Variants in NOS1AP observed in about 807,000 individuals in gnomAD.
NOS1AP encodes the protein nitric oxide synthase 1 adaptor protein, also known as carboxyl-terminal PDZ ligand of neuronal nitric oxide synthase protein.
In NOS1AP, 21 loss-of-function variants were observed where a neutral mutation model predicts 56.2. The ratio of observed to expected loss-of-function variants is 0.37; its 90% confidence interval spans 0.26 to 0.54. The LOEUF is 0.54. NOS1AP is among the 20% of genes least tolerant of loss of function. The pLI, the probability that NOS1AP is intolerant of heterozygous loss-of-function variation, is 0.84. For synonymous variants in NOS1AP, 270 were observed against 274.6 expected (o/e 0.98, Z 0.17); for missense variants, 522 against 657.8 (o/e 0.79, Z 2.26).
At chr1:162,138,697 G>A (rs1255139940) in intron 1 of NOS1AP, among the ~76,000 whole-genome samples, 1 of 152,188 alleles carries the variant, frequency 6.6e-6, no homozygotes, top group East Asian at 1.9e-4. Context: ...ACTTCACTTA[G>A]GAGCCAAGGC....
At chr1:162,150,789 C>G (rs1932932) in intron 1 of NOS1AP, among the ~76,000 whole-genome samples, 68,187 of 152,108 alleles carry the variant, frequency 0.45, 18,814 homozygotes, top group Non-Finnish European at 0.61. Flanking sequence ...ATCTTTCACC[C>G]ATATTTAAAT....
intron 2 of NOS1AP, among the ~76,000 whole-genome samples, chr1:162,225,640 A>C (rs1297576938): frequency 6.6e-6 from 1 of 152,132 alleles, no homozygotes; most frequent in Admixed American, 6.5e-5. Context: ...CATTTCCTTA[A>C]AGTTTTTCTC....
chr1:162,154,564 G>C, intron 2 of NOS1AP, 88 bp downstream of exon 2: 1 of 1,238,072 alleles, frequency 8.1e-7, no homozygotes, highest in Non-Finnish European at 1.2e-6. Context: ...GGGCCAAAAT[G>C]GATGGCTACA....
intron 4 of NOS1AP, among the ~76,000 whole-genome samples, chr1:162,330,464 TG>T (rs1314373349): frequency 6.6e-6 from 1 of 152,206 alleles, no homozygotes; most frequent in Admixed American, 6.5e-5. Context: ...AGGGGAAGGC[TG>T]CTCTGAACCA....
At chr1:162,172,718 TTTTG>T (rs371564365) in intron 2 of NOS1AP, among the ~76,000 whole-genome samples, 226 of 152,292 alleles carry the variant, frequency 1.5e-3, no homozygotes, top group East Asian at 4.2e-3. Context: ...TGTTGTTTGT[TTTTG>T]TTTGTTTGTT....
intron 4 of NOS1AP, among the ~76,000 whole-genome samples, chr1:162,304,709 G>A (rs921983221): frequency 6.6e-5 from 10 of 150,604 alleles, no homozygotes; most frequent in Admixed American, 1.3e-4. Flanking sequence ...CTGTGTTTTC[G>A]GTGTCCTGGG....
intron 1 of NOS1AP, among the ~76,000 whole-genome samples, chr1:162,106,399 G>A (rs1490970178): frequency 6.6e-6 from 1 of 152,134 alleles, no homozygotes; most frequent in South Asian, 2.1e-4. Flanking sequence ...GAGCACCACG[G>A]ACTGGAGCTG....
intron 1 of NOS1AP, among the ~76,000 whole-genome samples, chr1:162,091,364 T>G (rs2102022871): frequency 6.6e-6 from 1 of 152,312 alleles, no homozygotes; most frequent in African/African-American, 2.4e-5. Context: ...ATTGCTTCCC[T>G]TTGATTGTTC....
At chr1:162,324,892 A>T (rs1296740941) in intron 4 of NOS1AP, among the ~76,000 whole-genome samples, 1 of 152,102 alleles carries the variant, frequency 6.6e-6, no homozygotes, top group Non-Finnish European at 1.5e-5. Flanking sequence ...TTCCTTCCAG[A>T]CTGTGCTGCG....
intron 1 of NOS1AP, among the ~76,000 whole-genome samples, chr1:162,109,895 C>T (rs908310650): frequency 1.3e-5 from 2 of 152,186 alleles, no homozygotes; most frequent in Non-Finnish European, 2.9e-5. Flanking sequence ...ACTTCTTAAT[C>T]TAGATTATGA....
At chr1:162,185,476 G>A (rs957865862) in intron 2 of NOS1AP, among the ~76,000 whole-genome samples, 3 of 152,316 alleles carry the variant, frequency 2.0e-5, no homozygotes, top group Admixed American at 6.5e-5. Flanking sequence ...ATGCCTTGAA[G>A]AACTCAAGTC....
chr1:162,344,420 C>T lies in NOS1AP; in HGVS notation c.595+444C>T, dbSNP rs80208763. On this transcript the variant is annotated intron_variant, in intron 6 of 9. Coordinates refer to ENST00000361897, the MANE Select transcript of NOS1AP (RefSeq NM_014697.3). ...ATTAAAAGTCAGGAAGGAGGCCGGG[C>T]GCAGTGTCTCAAGTCTGTTAATCCT... 4.4e-3 allele frequency among the ~76,000 whole-genome samples: 671 copies of T among 151,608 alleles called. 4 individuals carry two copies. Among genetic ancestry groups the T allele is most frequent in the African/African-American group, 0.015 (622 of 41,348 alleles).
At chr1:162,329,457 T>G (rs1035998896) in intron 4 of NOS1AP, among the ~76,000 whole-genome samples, 3 of 152,170 alleles carry the variant, frequency 2.0e-5, no homozygotes, top group African/African-American at 7.2e-5. Flanking sequence ...TTATATGAAC[T>G]ACTTTGGTAT....
At chr1:162,310,659 AT>A (rs1655993084) in intron 4 of NOS1AP, among the ~76,000 whole-genome samples, 2 of 152,360 alleles carry the variant, frequency 1.3e-5, no homozygotes, top group East Asian at 3.9e-4. Flanking sequence ...GGGGAAGGAA[AT>A]ACCATTCATG....
chr1:162,226,301 T>C (rs926847226), intron 2 of NOS1AP, among the ~76,000 whole-genome samples: 1 of 152,088 alleles, frequency 6.6e-6, no homozygotes. Context: ...AGAAAAGAAA[T>C]GTTTATTGAT....
chr1:162,110,386 G>T (rs1394922551), intron 1 of NOS1AP, among the ~76,000 whole-genome samples: 1 of 151,988 alleles, frequency 6.6e-6, no homozygotes, highest in Non-Finnish European at 1.5e-5. Context: ...TTTTAATATG[G>T]ATTATATTAA....
chr1:162,218,352 A>C (rs1415599825), intron 2 of NOS1AP, among the ~76,000 whole-genome samples: 1 of 152,222 alleles, frequency 6.6e-6, no homozygotes, highest in Non-Finnish European at 1.5e-5. Context: ...TATCAGCCTC[A>C]AAAATATCAG....
At chr1:162,224,149 C>T (rs1457230331) in intron 2 of NOS1AP, among the ~76,000 whole-genome samples, 3 of 151,370 alleles carry the variant, frequency 2.0e-5, no homozygotes, top group Non-Finnish European at 2.9e-5. Context: ...TTCCAGATCT[C>T]AGAGTGTTTT....
At chr1:162,262,756 A>C (rs1654278892) in intron 2 of NOS1AP, among the ~76,000 whole-genome samples, 1 of 152,228 alleles carries the variant, frequency 6.6e-6, no homozygotes, top group Admixed American at 6.5e-5. Flanking sequence ...GCATTGCTAA[A>C]AGAGCTATGG....
Sources: gnomAD v4.1 joint callset for allele counts (sites outside exome capture counted in the v4.1 genomes callset) on GRCh38, gnomAD v4.1.1 for gene constraint, MANE v1.5 for transcripts, NCBI Gene and HGNC (gene_info 2026-07-23, HGNC 2026-07-21) for gene names.